The following DENND4A variants were observed in gnomAD, a reference collection of about 807,000 sequenced individuals.
DENND4A encodes C-myc promoter-binding protein.
In DENND4A, 70 loss-of-function variants were observed where a neutral mutation model predicts 199.3. The ratio of observed to expected loss-of-function variants is 0.35; its 90% CI spans 0.29 to 0.43. DENND4A has a LOEUF of 0.43. DENND4A is among the 20% of genes least tolerant of loss of function. The pLI is 1.00. For missense variants in DENND4A, 1,723 were observed against 2,255.8 expected (o/e 0.76, Z 4.78); for synonymous variants, 686 against 766.9 (o/e 0.89, Z 1.74).
At chr15:65,720,961 A>ATATATATATATATATATATATATATATG (rs1567043927) in intron 12 of DENND4A, among the ~76,000 whole-genome samples, 3 of 61,728 alleles carry the variant, frequency 4.9e-5, no homozygotes, top group African/African-American at 1.6e-4. Context: ...ATATATATAT[A>ATATATATATATATATATATATATATATG]TATATATATA....
At chr15:65,668,936 C>CT (rs2076133535) in intron 27 of DENND4A, among the ~76,000 whole-genome samples, 2 of 152,062 alleles carry the variant, frequency 1.3e-5, no homozygotes, top group Non-Finnish European at 1.5e-5. Flanking sequence ...GATAAATTTC[C>CT]TTTTTTATCA....
At chr15:65,783,981 C>T (rs935700055) in intron 1 of DENND4A, among the ~76,000 whole-genome samples, 2 of 152,214 alleles carry the variant, frequency 1.3e-5, no homozygotes, top group African/African-American at 4.8e-5. Context: ...GTAAAGAAAC[C>T]TGGCAAACAC....
At position 65,780,973 on chromosome 15, in the gene DENND4A, T is replaced by C. The variant is rs116176229; in HGVS notation, c.-102+11037A>G. On this transcript the variant is annotated intron_variant, in intron 1 of 32. Coordinates refer to ENST00000443035, the MANE Select transcript of DENND4A (RefSeq NM_001320835.1). Reference sequence around the variant, plus strand: ...GCTTGAGCTATAACATAGTTACCAATAGATTATTCTGGGAGGGACCCAATT... The same window carrying C: ...GCTTGAGCTATAACATAGTTACCAACAGATTATTCTGGGAGGGACCCAATT... Among the ~76,000 whole-genome samples, 1,119 of 152,284 alleles carry C rather than the reference T, an allele frequency of 7.3e-3. 15 individuals carry two copies. The highest frequency in any genetic ancestry group is 0.025 in the African/African-American group (1,048 of 41,554).
intron 24 of DENND4A, among the ~76,000 whole-genome samples, chr15:65,676,137 G>GAAAAA (rs929892402): frequency 7.0e-4 from 68 of 96,838 alleles, no homozygotes; most frequent in African/African-American, 2.5e-3. Flanking sequence ...AAGTAATAAG[G>GAAAAA]AAAAATATAT....
chr15:65,709,812 T>G (rs1004247455), intron 14 of DENND4A, among the ~76,000 whole-genome samples: 1 of 149,790 alleles, frequency 6.7e-6, no homozygotes, highest in African/African-American at 2.4e-5. Context: ...GTAATTATGT[T>G]TTAATGCATT....
intron 1 of DENND4A, among the ~76,000 whole-genome samples, chr15:65,778,944 A>G (rs2077360515): frequency 6.6e-6 from 1 of 151,414 alleles, no homozygotes; most frequent in South Asian, 2.1e-4. Context: ...GGAGGCCAAC[A>G]TGCAATTAAA....
chr15:65,770,720 C>T (rs552414059), intron 1 of DENND4A, among the ~76,000 whole-genome samples: 8 of 152,118 alleles, frequency 5.3e-5, no homozygotes, highest in Non-Finnish European at 8.8e-5. Context: ...ATAAGGAAAA[C>T]GTAAATGTGT....
At chr15:65,738,971 G>A (rs1463052952) in intron 5 of DENND4A, 96 bp from the exon 6 acceptor site, 29 of 936,794 alleles carry the variant, frequency 3.1e-5, no homozygotes, top group Non-Finnish European at 4.5e-5. Context: ...TCACACATTT[G>A]GAATGCCAAA....
chr15:65,727,084 G>C (rs531584177), intron 11 of DENND4A, among the ~76,000 whole-genome samples: 1 of 152,018 alleles, frequency 6.6e-6, no homozygotes, highest in Non-Finnish European at 1.5e-5. Flanking sequence ...GATGCCAAGG[G>C]GGGAGGATCA....
At chr15:65,755,191 T>C (rs1038346128) in intron 3 of DENND4A, among the ~76,000 whole-genome samples, 3 of 152,172 alleles carry the variant, frequency 2.0e-5, no homozygotes, top group African/African-American at 7.2e-5. Flanking sequence ...ATGTGCAAAA[T>C]AGGCAAATCC....
At position 65,691,479 on chromosome 15, in the gene DENND4A, G is replaced by C. The variant is rs760170268; in HGVS notation, c.3115C>G (p.Leu1039Val). 8 of 1,610,566 alleles carry C rather than the reference G, an allele frequency of 5.0e-6. No individual in the cohort carries two copies. The highest frequency in any genetic ancestry group is 1.6e-4 in the Middle Eastern group (1 of 6,066). Residue 1039 changes from leucine to valine, a missense_variant, in exon 23 of 33, where the codon CTT (leucine) becomes GTT (valine). Physicochemically the swap from Leu to Val is conservative, Grantham distance 32 (BLOSUM62 1). Coordinates refer to ENST00000443035, the MANE Select transcript of DENND4A (RefSeq NM_001320835.1). Reference sequence around the variant, plus strand: ...TTTCGTGTTTCATTTGTATCTTCAAGAGATGATATTAAGAGCAGCTCAGGT... The same window carrying C: ...TTTCGTGTTTCATTTGTATCTTCAACAGATGATATTAAGAGCAGCTCAGGT... ...STPELLLISS[L>V]EDTNETRNIQ...
At chr15:65,754,005 T>A (rs1041424082) in intron 3 of DENND4A, 10 of 152,028 alleles carry the variant, frequency 6.6e-5, no homozygotes, top group African/African-American at 2.4e-4. Context: ...ACACTAAGTT[T>A]GTGTTTTTAG....
chr15:65,764,941 C>T (rs1363153769), intron 1 of DENND4A, among the ~76,000 whole-genome samples: 5 of 143,708 alleles, frequency 3.5e-5, no homozygotes, highest in African/African-American at 1.1e-4. Context: ...CACTGCACTC[C>T]AGCCTGGGTG....
chr15:65,772,367 T>C (rs1325470530), intron 1 of DENND4A, among the ~76,000 whole-genome samples: 1 of 152,018 alleles, frequency 6.6e-6, no homozygotes, highest in African/African-American at 2.4e-5. Flanking sequence ...ACTGTATGTA[T>C]CTTATAAAAA....
At chr15:65,751,961 T>C (rs1212633020) in intron 4 of DENND4A, among the ~76,000 whole-genome samples, 1 of 151,894 alleles carries the variant, frequency 6.6e-6, no homozygotes, top group Non-Finnish European at 1.5e-5. Flanking sequence ...AAGAAATATT[T>C]GCATGTTGGA....
At chr15:65,769,224 C>G (rs2077065360) in intron 1 of DENND4A, among the ~76,000 whole-genome samples, 1 of 151,946 alleles carries the variant, frequency 6.6e-6, no homozygotes, top group Non-Finnish European at 1.5e-5. Context: ...CACACACACA[C>G]ACACACACAC....
intron 13 of DENND4A, among the ~76,000 whole-genome samples, chr15:65,716,770 A>G (rs2075419475): frequency 6.6e-6 from 1 of 151,660 alleles, no homozygotes; most frequent in Admixed American, 6.6e-5. Context: ...CAGTAATGGG[A>G]TGGCTGGGTC....
chr15:65,720,203 T>A (rs1233321255), intron 12 of DENND4A, among the ~76,000 whole-genome samples: 1 of 152,164 alleles, frequency 6.6e-6, no homozygotes, highest in African/African-American at 2.4e-5. Context: ...TGTAGTGATG[T>A]CAAAGAATGT....
chr15:65,791,744 T>C (rs957294425), intron 1 of DENND4A, among the ~76,000 whole-genome samples: 2 of 149,874 alleles, frequency 1.3e-5, no homozygotes, highest in Non-Finnish European at 3.0e-5. Flanking sequence ...CAGCCTGGAA[T>C]AGAAAATCTG....
Sources: allele counts gnomAD v4.1 joint callset (sites outside exome capture counted in the v4.1 genomes callset), GRCh38; gene constraint gnomAD v4.1.1; transcripts MANE v1.5; gene names NCBI Gene and HGNC (gene_info 2026-07-23, HGNC 2026-07-21).